The following GNAO1 variants were observed in gnomAD, a reference collection of about 807,000 sequenced individuals.
The protein encoded by GNAO1 is G protein subunit alpha o1.
For synonymous variants in GNAO1, 164 were observed against 180.7 expected (o/e 0.91, Z 0.74); for missense variants, 166 against 478.7 (o/e 0.35, Z 6.10).
intron 2 of GNAO1, chr16:56,235,308 G>T: frequency 2.2e-6 from 1 of 456,014 alleles, no homozygotes; most frequent in South Asian, 1.5e-5. Context: ...TCTTAAAGAA[G>T]ACAGAAGCTT....
intron 2 of GNAO1, among the ~76,000 whole-genome samples, chr16:56,208,455 G>T (rs1004135362): frequency 5.4e-5 from 8 of 146,942 alleles, no homozygotes; most frequent in African/African-American, 2.1e-4. Flanking sequence ...GTGTGCGCGC[G>T]CGCGCACGTG....
chr16:56,344,201 G>A (rs2037839883), intron 6 of GNAO1: 2 of 1,408,750 alleles, frequency 1.4e-6, no homozygotes, highest in Admixed American at 2.9e-5. Flanking sequence ...CAGCCTCTGT[G>A]TCATCTCTGA....
chr16:56,232,089 C>T (rs2036593551), intron 2 of GNAO1, among the ~76,000 whole-genome samples: 1 of 152,120 alleles, frequency 6.6e-6, no homozygotes, highest in African/African-American at 2.4e-5. Flanking sequence ...TAAGGAAACA[C>T]AGCAAGGCGT....
chr16:56,340,519 CCT>C, intron 6 of GNAO1: 1 of 355,864 alleles, frequency 2.8e-6, no homozygotes, highest in East Asian at 5.0e-5. Flanking sequence ...TGGTGCATGT[CCT>C]CTCCGTGAGC....
At chr16:56,268,347 C>T (rs1302809403) in intron 2 of GNAO1, among the ~76,000 whole-genome samples, 1 of 152,240 alleles carries the variant, frequency 6.6e-6, no homozygotes, top group Non-Finnish European at 1.5e-5. Flanking sequence ...TGGCACTAGC[C>T]TTATCTTACC....
intron 2 of GNAO1, among the ~76,000 whole-genome samples, chr16:56,224,119 G>A (rs1287826984): frequency 6.6e-6 from 1 of 152,218 alleles, no homozygotes; most frequent in Non-Finnish European, 1.5e-5. Flanking sequence ...TGTCTGGCCA[G>A]TACGTCTTCC....
chr16:56,267,778 C>T (rs1332486671), intron 2 of GNAO1, among the ~76,000 whole-genome samples: 3 of 152,174 alleles, frequency 2.0e-5, no homozygotes, highest in Admixed American at 6.5e-5. Flanking sequence ...TTGTGTCTGT[C>T]GCTTTTATCC....
intron 2 of GNAO1, among the ~76,000 whole-genome samples, chr16:56,250,011 A>G (rs766368926): frequency 3.9e-5 from 6 of 152,216 alleles, no homozygotes; most frequent in Non-Finnish European, 8.8e-5. Flanking sequence ...GCCAACAGGG[A>G]AGAGAGAGAA....
At chr16:56,318,585 T>C (rs2087401741) in intron 3 of GNAO1, among the ~76,000 whole-genome samples, 1 of 152,204 alleles carries the variant, frequency 6.6e-6, no homozygotes, top group Admixed American at 6.5e-5. Flanking sequence ...GGTTTGTGTG[T>C]GTGTGTGCGT....
Position 56,357,332 on chromosome 16 carries a change from CCTTT to C in GNAO1, c.*1261_*1264del, listed in dbSNP as rs1450776175. 2 of 151,950 alleles carry C rather than the reference CCTTT, an allele frequency of 1.3e-5. No individual in the cohort carries two copies. Among genetic ancestry groups the C allele is most frequent in the African/African-American group, 2.4e-5 (1 of 41,344 alleles). The allele number at this position is 151,950 out of a possible 1,614,324, so 9.4% of individuals were successfully genotyped here. A position where few individuals can be genotyped will look rare whatever the true frequency, so the allele number is the denominator to read the frequency against. On this transcript the variant is annotated 3_prime_UTR_variant, in exon 9 of 9. Coordinates refer to ENST00000262493, the MANE Select transcript of GNAO1 (RefSeq NM_020988.3). ...AAAAAAGCCCACGGGTCTTTGTAAGCCTTTCTATTCCCAATCGGTGAGGTTTCTG... is the reference window on the plus strand; with the variant it reads ...AAAAAAGCCCACGGGTCTTTGTAAGCCTATTCCCAATCGGTGAGGTTTCTG...
At chr16:56,290,102 G>T (rs780713164) in intron 3 of GNAO1, among the ~76,000 whole-genome samples, 3 of 152,136 alleles carry the variant, frequency 2.0e-5, no homozygotes, top group Non-Finnish European at 4.4e-5. Flanking sequence ...TGGCCTCAGG[G>T]CTTTTTAGTG....
chr16:56,207,452 A>G (rs1336069506), intron 2 of GNAO1, among the ~76,000 whole-genome samples: 1 of 152,206 alleles, frequency 6.6e-6, no homozygotes, highest in Non-Finnish European at 1.5e-5. Flanking sequence ...ATTTAAGGTG[A>G]TGTGGCCAGT....
Position 56,326,961 on chromosome 16 carries a change from G to A in GNAO1, c.304-1670G>A, listed in dbSNP as rs1214019701. On this transcript the variant is annotated intron_variant, in intron 3 of 8. Transcript: ENST00000262493. This position sits in a 1 kb window ranked among gnomAD's most constrained non-coding sequence, Gnocchi z 4.8. ...GGTCTGATCATAGAGGCTGGGCCTG[G>A]AGTCCGAAGGCACCTCATCTTGAGT... is the stretch of plus-strand genomic sequence containing the variant. 2.0e-5 allele frequency among the ~76,000 whole-genome samples: 3 copies of A among 152,166 alleles called. No homozygotes were observed. The highest frequency in any genetic ancestry group is 7.2e-5 in the African/African-American group (3 of 41,450).
At chr16:56,288,028 T>C (rs2037191005) in intron 3 of GNAO1, among the ~76,000 whole-genome samples, 1 of 152,138 alleles carries the variant, frequency 6.6e-6, no homozygotes, top group Non-Finnish European at 1.5e-5. Context: ...ACTGCTCCAT[T>C]CCTTTTCATT....
At chr16:56,328,555 G>C (rs2037658098) in intron 3 of GNAO1, 76 bp from the exon 4 acceptor site, 1 of 1,490,042 alleles carries the variant, frequency 6.7e-7, no homozygotes, top group Non-Finnish European at 9.2e-7. Context: ...GTCCCCGCTA[G>C]GGGAGAGCCC....
chr16:56,204,346 GAAGGAA>G (rs560804452), intron 2 of GNAO1, among the ~76,000 whole-genome samples: 53 of 152,324 alleles, frequency 3.5e-4, no homozygotes, highest in African/African-American at 1.3e-3. Flanking sequence ...ATCTGGGCTA[GAAGGAA>G]AAGTGGGCTT....
chr16:56,263,495 TAAGG>T (rs2036923891), intron 2 of GNAO1, among the ~76,000 whole-genome samples: 1 of 151,930 alleles, frequency 6.6e-6, no homozygotes, highest in South Asian at 2.1e-4. Flanking sequence ...TGAAGGAAAA[TAAGG>T]AAGAATAAAG....
intron 2 of GNAO1, among the ~76,000 whole-genome samples, chr16:56,244,611 C>T (rs991176919): frequency 2.0e-5 from 3 of 152,084 alleles, no homozygotes; most frequent in East Asian, 3.9e-4. Flanking sequence ...GCTTCCGCTG[C>T]GATTCTCTAA....
At chr16:56,262,051 C>T (rs1475552139) in intron 2 of GNAO1, among the ~76,000 whole-genome samples, 12 of 152,180 alleles carry the variant, frequency 7.9e-5, no homozygotes, top group Non-Finnish European at 1.6e-4. Context: ...GGAACTCACT[C>T]AGCCCTGGGA....
Sources: gnomAD v4.1 joint callset for allele counts (sites outside exome capture counted in the v4.1 genomes callset) on GRCh38, gnomAD v4.1.1 for gene constraint, Gnocchi (gnomAD v3.1) non-coding constraint, MANE v1.5 for transcripts, NCBI Gene and HGNC (gene_info 2026-07-23, HGNC 2026-07-21) for gene names.